Variants in LRRC71 observed in about 807,000 individuals in gnomAD.
LRRC71 encodes leucine-rich repeat-containing protein 71.
A neutral mutation model predicts 66.6 loss-of-function variants in LRRC71; 54 were observed. The observed-to-expected ratio is 0.81, with a 90% CI of 0.65 to 1.02. The LOEUF is 1.02. LRRC71 is among the 50% of genes least tolerant of loss of function. The pLI, the probability that LRRC71 is intolerant of heterozygous loss-of-function variation, is 0.00. For missense variants in LRRC71, 724 were observed against 718.0 expected (o/e 1.01, Z -0.10); for synonymous variants, 323 against 303.9 (o/e 1.06, Z -0.65).
intron 5 of LRRC71, 38 bp from the exon 6 acceptor site, chr1:156,927,164 G>A (rs1173089188): frequency 6.3e-7 from 1 of 1,587,086 alleles, no homozygotes; most frequent in Non-Finnish European, 8.6e-7. Flanking sequence ...CCTGGCCTCA[G>A]TGGTACCTTC....
chr1:156,927,465 G>A, intron 6 of LRRC71, 31 bp from the exon 7 acceptor site: 1 of 1,520,284 alleles, frequency 6.6e-7, no homozygotes, highest in African/African-American at 1.4e-5. Flanking sequence ...ACCTTTTCCA[G>A]CGACCCACAT....
chr1:156,939,462 T>C, the LRRC71 span: 5 of 1,576,978 alleles, frequency 3.2e-6, no homozygotes, highest in Non-Finnish European at 4.3e-6. Context: ...CCAGGGGGAG[T>C]ATAGGGAAGG....
At chr1:156,936,375 C>T (rs2101706296), downstream of LRRC71, 2 of 423,424 alleles carry the variant, frequency 4.7e-6, no homozygotes, top group Middle Eastern at 7.1e-4. Flanking sequence ...TGTGCACCTG[C>T]AATCCCAGCT....
At chr1:156,938,815 G>T in the LRRC71 span, 1 of 400,110 alleles carries the variant, frequency 2.5e-6, no homozygotes, top group Non-Finnish European at 4.5e-6. Flanking sequence ...CCAGGGGAGG[G>T]CAGGCCCACT....
At position 156,929,677 on chromosome 1, in the gene LRRC71, A is replaced by G; in HGVS notation, c.1188A>G (p.Ser396=). Residue 396 remains serine (S), a synonymous_variant, in exon 11 of 15, where the codon TCA becomes TCG. Transcript: ENST00000337428. ...AGGAGAAGTTGGGGTCTGGGCAGTC[A>G]CCCACACAAGGAACCCCTAAGAAGG... ...KKEEKLGSGQ[S]PTQGTPKKED... is the part of the protein sequence containing the mutation. 2 of 1,586,196 alleles carry G rather than the reference A, an allele frequency of 1.3e-6. No individual in the cohort carries two copies. The highest frequency in any genetic ancestry group is 1.7e-6 in the Non-Finnish European group (2 of 1,166,216).
chr1:156,935,853 C>G, downstream of LRRC71: 1 of 879,746 alleles, frequency 1.1e-6, no homozygotes, highest in South Asian at 1.9e-5. Context: ...ACATGCGGGT[C>G]TCCCCCCGGG....
At chr1:156,925,146 A>G in intron 5 of LRRC71, 131 bp downstream of exon 5, 1 of 821,290 alleles carries the variant, frequency 1.2e-6, no homozygotes, top group East Asian at 2.7e-5. Flanking sequence ...TGGAAGCAGA[A>G]GCAGGCAATG....
At chr1:156,939,749 C>G in the LRRC71 span, 2 of 1,613,938 alleles carry the variant, frequency 1.2e-6, no homozygotes, top group South Asian at 2.2e-5. Flanking sequence ...CCTTCACCCC[C>G]AGGGGGTGCT....
intron 5 of LRRC71, 104 bp from the exon 6 acceptor site, chr1:156,927,096 ACT>A (rs2101619087): frequency 1.1e-6 from 1 of 937,638 alleles, no homozygotes; most frequent in African/African-American, 1.7e-5. Context: ...CAATCCTTTG[ACT>A]CTACTTCCTA....
At chr1:156,930,077 T>TTTC (rs1553189735) in intron 11 of LRRC71, among the ~76,000 whole-genome samples, 965 of 36,362 alleles carry the variant, frequency 0.027, 19 homozygotes, top group East Asian at 0.24. Flanking sequence ...TCTTTCTTTC[T>TTTC]TTTCTTTCTT....
rs1395624515 is a variant in LRRC71 at position 156,929,655 on chromosome 1, A to G, written c.1166A>G (p.Glu389Gly). 1 of 1,587,194 alleles carries G rather than the reference A, an allele frequency of 6.3e-7. No individual in the cohort carries two copies. Among genetic ancestry groups the G allele is most frequent in the South Asian group, 1.2e-5 (1 of 86,746 alleles). Residue 389 changes from glutamate to glycine, a missense_variant, in exon 11 of 15, where the codon GAG becomes GGG. By Grantham distance (98) the Glu-to-Gly change is moderately conservative (BLOSUM62 -2). Coordinates refer to ENST00000337428, the MANE Select transcript of LRRC71 (RefSeq NM_144702.3). Reference sequence around the variant, plus strand: ...CCACAGGAATTGGCCAAGAAAGAGGAGAAGTTGGGGTCTGGGCAGTCACCC... The same window carrying G: ...CCACAGGAATTGGCCAAGAAAGAGGGGAAGTTGGGGTCTGGGCAGTCACCC... ...EKSWELAKKE[E>G]KLGSGQSPTQ...
chr1:156,929,752 G>A, intron 11 of LRRC71, 23 bp downstream of exon 11: 2 of 1,544,382 alleles, frequency 1.3e-6, no homozygotes, highest in Non-Finnish European at 8.8e-7. Flanking sequence ...GCCCCTGGGT[G>A]GCATCTTCCT....
intron 12 of LRRC71, among the ~76,000 whole-genome samples, chr1:156,931,285 G>C (rs577009885): frequency 6.6e-6 from 1 of 152,208 alleles, no homozygotes; most frequent in East Asian, 1.9e-4. Flanking sequence ...CCCTAGGCAG[G>C]GAAGGGCCCC....
Position 156,927,571 on chromosome 1 carries a change from G to A in LRRC71, c.738G>A (p.Thr246=). 2.5e-6 allele frequency: 4 copies of A among 1,591,474 alleles called. No homozygotes were observed. The highest frequency in any genetic ancestry group is 2.6e-6 in the Non-Finnish European group (3 of 1,168,514). The change falls in exon 7 of 15, where the codon ACG becomes ACA. Residue 246 remains threonine, a synonymous_variant. Coordinates refer to ENST00000337428, the MANE Select transcript of LRRC71 (RefSeq NM_144702.3). The part of the protein sequence containing the change: ...GAQLLGQALS[T]LHSCNRTLVS... ...AACTCCTGGGCCAGGCGCTGTCCAC[G>A]CTGCACAGCTGCAACCGGACCCTCG...
At chr1:156,936,825 G>A, downstream of LRRC71, 1 of 1,613,758 alleles carries the variant, frequency 6.2e-7, no homozygotes, top group Non-Finnish European at 8.5e-7. Context: ...CCATCCTCAG[G>A]GCAGGGCCCC....
downstream of LRRC71, chr1:156,936,095 C>G (rs747201109): frequency 1.9e-6 from 3 of 1,598,646 alleles, no homozygotes; most frequent in South Asian, 3.3e-5. Context: ...ACTGGCCAGC[C>G]TGAGGTGACC....
At chr1:156,939,238 G>T in the LRRC71 span, 1 of 378,124 alleles carries the variant, frequency 2.6e-6, no homozygotes. Context: ...AACAGAGACT[G>T]GTACTGGTAG....
intron 13 of LRRC71, 116 bp from the exon 14 acceptor site, chr1:156,932,308 G>A (rs545402854): frequency 1.2e-6 from 1 of 815,226 alleles, no homozygotes; most frequent in South Asian, 1.6e-5. Context: ...GGTGTGCCTG[G>A]GCCAGTGAGT....
chr1:156,938,331 T>G, the LRRC71 span: 5 of 1,275,192 alleles, frequency 3.9e-6, no homozygotes, highest in Non-Finnish European at 5.6e-6. Flanking sequence ...GGTGTGTGTG[T>G]GACCATGGGC....
Sources: gnomAD v4.1 joint callset for allele counts (sites outside exome capture counted in the v4.1 genomes callset) on GRCh38, gnomAD v4.1.1 for gene constraint, MANE v1.5 for transcripts, NCBI Gene and HGNC (gene_info 2026-07-23, HGNC 2026-07-21) for gene names.